RNF14: variants seen among roughly 807,000 people sequenced by gnomAD.
RNF14 encodes ring finger protein 14, also known as E3 ubiquitin-protein ligase RNF14.
A neutral mutation model predicts 52.6 loss-of-function variants in RNF14; 26 were observed. That is an observed-to-expected ratio of 0.49 (90% CI 0.36 to 0.69). RNF14 has a LOEUF of 0.69. Ranked by LOEUF, RNF14 falls within the 30% of genes least tolerant of loss-of-function variation. RNF14 has a pLI of 0.00. For missense variants in RNF14, 404 were observed against 560.4 expected (o/e 0.72, Z 2.82); for synonymous variants, 194 against 202.0 (o/e 0.96, Z 0.34).
At chr5:141,984,680 A>G in intron 7 of RNF14, 123 bp from the exon 8 acceptor site, 1 of 807,676 alleles carries the variant, frequency 1.2e-6, no homozygotes, top group Non-Finnish European at 2.0e-6. Flanking sequence ...TTACATTGAT[A>G]TCTCAACCCT....
chr5:141,957,229 G>A, upstream of RNF14: 1 of 1,614,190 alleles, frequency 6.2e-7, no homozygotes, highest in Non-Finnish European at 8.5e-7. The surrounding 1 kb of genome is among the most constrained non-coding windows in gnomAD (Gnocchi z 4.3). Context: ...ATCAAAAAAT[G>A]AATGGATTTC....
upstream of RNF14, chr5:141,954,967 G>C: frequency 6.2e-7 from 1 of 1,606,134 alleles, no homozygotes; most frequent in East Asian, 2.2e-5. Context: ...CCATGCCCCA[G>C]GTACCTGAAC....
At chr5:141,970,379 GA>G (rs952685099) in intron 1 of RNF14, among the ~76,000 whole-genome samples, 2 of 152,090 alleles carry the variant, frequency 1.3e-5, no homozygotes, top group African/African-American at 4.8e-5. Flanking sequence ...GAGGAAAGGA[GA>G]AAAAAACAAA....
chr5:141,956,170 T>G, upstream of RNF14: 2 of 1,614,122 alleles, frequency 1.2e-6, no homozygotes, highest in African/African-American at 1.3e-5. Context: ...CTCTGGGGCA[T>G]TATCATTGGC....
chr5:141,972,788 A>G (rs1384538575), intron 2 of RNF14, among the ~76,000 whole-genome samples: 1 of 152,066 alleles, frequency 6.6e-6, no homozygotes, highest in Non-Finnish European at 1.5e-5. Flanking sequence ...ATGGGGTTTC[A>G]CCACGTTGGC....
At chr5:141,961,502 G>A (rs1753275265) in intron 1 of RNF14, among the ~76,000 whole-genome samples, 1 of 152,176 alleles carries the variant, frequency 6.6e-6, no homozygotes, top group Non-Finnish European at 1.5e-5. Flanking sequence ...GGGGTGAATG[G>A]AGCTGTCACT....
At chr5:141,949,716 A>C in the RNF14 span, 4 of 984,334 alleles carry the variant, frequency 4.1e-6, no homozygotes, top group African/African-American at 6.6e-5. Flanking sequence ...GAGTCAGACC[A>C]ACCTGGATCA....
intron 2 of RNF14, among the ~76,000 whole-genome samples, chr5:141,971,563 TTTTCTTTC>T (rs746341507): frequency 0.024 from 1,338 of 54,984 alleles, 16 homozygotes; most frequent in Middle Eastern, 0.041. Context: ...GCTAATTTCT[TTTTCTTTC>T]TTTCTTTCTT....
At chr5:141,964,653 G>T (rs1323387735), upstream of RNF14, among the ~76,000 whole-genome samples, 1 of 151,964 alleles carries the variant, frequency 6.6e-6, no homozygotes, top group Non-Finnish European at 1.5e-5. Flanking sequence ...TCATTCTGTT[G>T]CCCAGGCTGG....
In RNF14 at chr5:141,984,891, C is replaced by G. The variant is rs751385492; in HGVS notation, c.1325C>G (p.Pro442Arg). 2.5e-6 allele frequency: 4 copies of G among 1,613,784 alleles called. No individual in the cohort carries two copies. The Admixed American group carries it at 6.7e-5, about 27-fold the overall frequency. Residue 442 changes from proline to arginine, a missense_variant, in exon 8 of 9, where the codon CCT becomes CGT. Physicochemically the swap from Pro to Arg is moderately radical, Grantham distance 103. Coordinates refer to ENST00000394520, the MANE Select transcript of RNF14 (RefSeq NM_004290.5). ...ICMGSLSRAN[P>R]YKHFNDPGSP... Reference sequence around the variant, plus strand: ...ATGGGTTCTCTCTCTAGAGCAAACCCTTACAAACATTTCAATGACCCTGGT... The same window carrying G: ...ATGGGTTCTCTCTCTAGAGCAAACCGTTACAAACATTTCAATGACCCTGGT...
intron 7 of RNF14, among the ~76,000 whole-genome samples, chr5:141,983,757 T>C (rs780775133): frequency 1.4e-4 from 21 of 152,206 alleles, no homozygotes; most frequent in Non-Finnish European, 1.2e-4. Flanking sequence ...AGTATTTGCT[T>C]ACAGTGACCA....
chr5:141,949,669 A>G, the RNF14 span: 1 of 1,499,938 alleles, frequency 6.7e-7, no homozygotes, highest in South Asian at 1.3e-5. Context: ...GCATTCATTT[A>G]CCCATATAGG....
At chr5:141,953,738 A>G (rs920409024), upstream of RNF14, among the ~76,000 whole-genome samples, 15 of 152,250 alleles carry the variant, frequency 9.9e-5, no homozygotes, top group African/African-American at 3.4e-4. Context: ...GGATAAATGA[A>G]TGGTTGGCTC....
At chr5:141,955,722 C>T, upstream of RNF14, 12 of 1,614,140 alleles carry the variant, frequency 7.4e-6, no homozygotes, top group Non-Finnish European at 1.0e-5. The surrounding 1 kb of genome is among the most constrained non-coding windows in gnomAD (Gnocchi z 5.5). Flanking sequence ...TGCTCAAGGC[C>T]CCAGGCTTGC....
At chr5:141,987,527 T>C (rs1322140648) in intron 8 of RNF14, among the ~76,000 whole-genome samples, 2 of 152,074 alleles carry the variant, frequency 1.3e-5, no homozygotes, top group South Asian at 4.1e-4. Flanking sequence ...CAAGTACTCA[T>C]CCACCTTAAA....
upstream of RNF14, chr5:141,955,068 G>T (rs1166090117): frequency 6.2e-7 from 1 of 1,614,238 alleles, no homozygotes; most frequent in South Asian, 1.1e-5. The surrounding 1 kb of genome is among the most constrained non-coding windows in gnomAD (Gnocchi z 5.5). Flanking sequence ...GGATCTGACG[G>T]GGCCCTGATT....
At chr5:141,957,985 A>G, upstream of RNF14, 4 of 1,006,178 alleles carry the variant, frequency 4.0e-6, no homozygotes, top group South Asian at 3.3e-5. The surrounding 1 kb of genome is among the most constrained non-coding windows in gnomAD (Gnocchi z 4.3). Context: ...ACCTTGTCCC[A>G]TAGTTAGATG....
chr5:141,967,470 C>T (rs1002139449), upstream of RNF14, among the ~76,000 whole-genome samples: 2 of 151,962 alleles, frequency 1.3e-5, no homozygotes, highest in Non-Finnish European at 2.9e-5. Flanking sequence ...TCCTTCGTCC[C>T]CCTCTCATCC....
At chr5:141,970,098 A>T (rs768116346) in intron 1 of RNF14, among the ~76,000 whole-genome samples, 1 of 152,196 alleles carries the variant, frequency 6.6e-6, no homozygotes, top group Non-Finnish European at 1.5e-5. Context: ...GGTTTTGTAT[A>T]TAGTATTTTT....
Sources: gnomAD v4.1 joint callset for allele counts (sites outside exome capture counted in the v4.1 genomes callset) on GRCh38, gnomAD v4.1.1 for gene constraint, Gnocchi (gnomAD v3.1) non-coding constraint, MANE v1.5 for transcripts, NCBI Gene and HGNC (gene_info 2026-07-23, HGNC 2026-07-21) for gene names.